FUT9: variants seen among roughly 807,000 people sequenced by gnomAD.
FUT9 encodes the protein fucosyltransferase 9.
Under a neutral mutation model 29.7 loss-of-function variants are expected in FUT9, and 15 were observed. The observed-to-expected ratio is 0.51, with a 90% CI of 0.34 to 0.78. The LOEUF (loss-of-function observed/expected upper bound fraction) is 0.78. Ranked by LOEUF, FUT9 falls within the 30% of genes least tolerant of loss-of-function variation. The probability of loss-of-function intolerance (pLI) is 0.01; values close to 1 mark genes in which losing one functional copy is unlikely to be tolerated. For missense variants in FUT9, 319 were observed against 425.4 expected (o/e 0.75, Z 2.20); for synonymous variants, 169 against 153.7 (o/e 1.10, Z -0.74).
At chr6:96,118,809 T>C (rs553189432) in intron 2 of FUT9, among the ~76,000 whole-genome samples, 2 of 152,148 alleles carry the variant, frequency 1.3e-5, no homozygotes, top group Non-Finnish European at 2.9e-5. Context: ...ATATTGATGA[T>C]CTTCACCCTG....
At chr6:96,045,056 G>A (rs557334153) in intron 1 of FUT9, among the ~76,000 whole-genome samples, 3 of 152,282 alleles carry the variant, frequency 2.0e-5, no homozygotes, top group South Asian at 4.1e-4. Flanking sequence ...GATTGACCAG[G>A]CTCACTGAAC....
intron 2 of FUT9, among the ~76,000 whole-genome samples, chr6:96,193,947 G>A (rs754615015): frequency 3.3e-5 from 5 of 152,100 alleles, no homozygotes; most frequent in Non-Finnish European, 4.4e-5. Flanking sequence ...GCGAACTATC[G>A]CAAGGGCGAA....
At chr6:96,186,354 G>T (rs1394241909) in intron 2 of FUT9, among the ~76,000 whole-genome samples, 1 of 152,070 alleles carries the variant, frequency 6.6e-6, no homozygotes, top group East Asian at 1.9e-4. Context: ...CTCAAAAGAT[G>T]ATCAGCCTGC....
At chr6:96,123,634 A>AT (rs1772074893) in intron 2 of FUT9, among the ~76,000 whole-genome samples, 1 of 152,214 alleles carries the variant, frequency 6.6e-6, no homozygotes, top group South Asian at 2.1e-4. Context: ...AGGCAGAGCC[A>AT]TTAATTCTTC....
chr6:96,108,628 C>T (rs1771738468), intron 1 of FUT9, among the ~76,000 whole-genome samples: 1 of 152,160 alleles, frequency 6.6e-6, no homozygotes, highest in African/African-American at 2.4e-5. Context: ...TTCCATTACA[C>T]TCTCTACCAC....
intron 2 of FUT9, among the ~76,000 whole-genome samples, chr6:96,188,709 T>TGA (rs1321975784): frequency 1.4e-4 from 4 of 28,266 alleles, no homozygotes; most frequent in Admixed American, 8.2e-4. Context: ...ATATATTATT[T>TGA]GATATATATA....
At chr6:96,037,322 T>C (rs2127930339) in intron 1 of FUT9, 1 of 152,192 alleles carries the variant, frequency 6.6e-6, no homozygotes, top group Admixed American at 6.6e-5. Context: ...AGGAATTGCA[T>C]CCAGGTTTCT....
rs924681695 is a variant in FUT9, at chr6:96,198,851, C to A, written c.-8-4297C>A. On this transcript the variant is annotated intron_variant, in intron 2 of 2. Coordinates refer to ENST00000302103, the MANE Select transcript of FUT9 (RefSeq NM_006581.4). ...GGTATCTCATTGTGGTTTTGATTTG[C>A]ATTTCTCTGATGGTCAGTGATGGTG... 1.1e-4 allele frequency among the ~76,000 whole-genome samples: 17 copies of A among 152,190 alleles called. No homozygotes were observed. In the South Asian group the frequency reaches 3.5e-3, roughly 32 times the overall value.
chr6:96,126,955 T>C (rs1299578350), intron 2 of FUT9, among the ~76,000 whole-genome samples: 6 of 152,210 alleles, frequency 3.9e-5, no homozygotes, highest in Non-Finnish European at 5.9e-5. Context: ...AAATAATTCA[T>C]GGAAAACTAT....
chr6:96,128,529 C>T (rs1464003201), intron 2 of FUT9, among the ~76,000 whole-genome samples: 1 of 152,046 alleles, frequency 6.6e-6, no homozygotes, highest in African/African-American at 2.4e-5. Context: ...GCAAGTTGGA[C>T]CCTTTTGGAT....
intron 2 of FUT9, among the ~76,000 whole-genome samples, chr6:96,184,807 T>A (rs778934382): frequency 3.3e-5 from 5 of 152,102 alleles, no homozygotes; most frequent in Non-Finnish European, 5.9e-5. Context: ...TCTGCTGTGG[T>A]CTGAGAGAGA....
chr6:96,109,882 T>C (rs757403478), intron 1 of FUT9, among the ~76,000 whole-genome samples: 2 of 152,142 alleles, frequency 1.3e-5, no homozygotes, highest in Non-Finnish European at 2.9e-5. Flanking sequence ...TGCCTGGCTG[T>C]CTTACCCTTC....
chr6:96,207,991 T>C lies in FUT9; in HGVS notation c.*3756T>C, dbSNP rs1773864468. 6.0e-6 allele frequency: 1 copy of C among 166,824 alleles called. No homozygotes were observed. Among genetic ancestry groups the C allele is most frequent in the Non-Finnish European group, 1.5e-5 (1 of 68,002 alleles). The allele number at this position is 166,824 out of a possible 1,614,324, so 10.3% of individuals were successfully genotyped here. ...GTAGAAACTGAAAAAAAAAATCATC[T>C]TAGTGGGAAACAAATACATGCTTAA... On this transcript the variant is annotated 3_prime_UTR_variant, in exon 3 of 3. Transcript: ENST00000302103.
At chr6:96,082,500 T>C (rs866861367) in intron 1 of FUT9, among the ~76,000 whole-genome samples, 11 of 151,878 alleles carry the variant, frequency 7.2e-5, no homozygotes, top group South Asian at 2.1e-4. Flanking sequence ...ATTTGCCTAT[T>C]CCAAATACCA....
intron 1 of FUT9, among the ~76,000 whole-genome samples, chr6:96,051,738 T>C (rs1770674475): frequency 6.6e-6 from 1 of 151,998 alleles, no homozygotes; most frequent in African/African-American, 2.4e-5. Context: ...ATATATTAAA[T>C]ATGTGATTAA....
At chr6:96,018,554 C>T (rs1770018793) in intron 1 of FUT9, among the ~76,000 whole-genome samples, 1 of 151,796 alleles carries the variant, frequency 6.6e-6, no homozygotes, top group South Asian at 2.1e-4. Flanking sequence ...GTAAGGCACA[C>T]CAATATTGGA....
rs1490532319 is a variant in FUT9 at position 96,070,693 on chromosome 6, AAATT to A, written c.-97-43333_-97-43330del. Among the ~76,000 whole-genome samples the A allele has an allele frequency of 8.5e-5, 13 of 152,304 alleles. No individual in the cohort carries two copies. In the South Asian group the frequency reaches 2.3e-3, roughly 27 times the overall value. On this transcript the variant is annotated intron_variant, in intron 1 of 2. Transcript: ENST00000302103. ...CAGAGGAAAACCCCATCTCAAAAAA[AAATT>A]AATTAATTAATTTAATTAAGTTAGA...
At chr6:96,200,611 T>C (rs896840139) in intron 2 of FUT9, among the ~76,000 whole-genome samples, 13 of 152,198 alleles carry the variant, frequency 8.5e-5, no homozygotes, top group Non-Finnish European at 1.6e-4. Context: ...ACTGACATCA[T>C]TTATTTAATG....
At chr6:96,172,059 T>G (rs570271272) in intron 2 of FUT9, among the ~76,000 whole-genome samples, 5 of 152,236 alleles carry the variant, frequency 3.3e-5, no homozygotes, top group African/African-American at 1.2e-4. Flanking sequence ...GGGCTGGAAG[T>G]TCAAGATCAG....
Sources: allele counts gnomAD v4.1 joint callset (sites outside exome capture counted in the v4.1 genomes callset), GRCh38; gene constraint gnomAD v4.1.1; transcripts MANE v1.5; gene names NCBI Gene and HGNC (gene_info 2026-07-23, HGNC 2026-07-21).